Variants in BRWD3 observed in about 807,000 individuals in gnomAD.
BRWD3 encodes the protein bromodomain and WD repeat domain containing 3.
Under a neutral mutation model 149.7 loss-of-function variants are expected in BRWD3, and 10 were observed. The observed-to-expected ratio is 0.07, with a 90% CI of 0.04 to 0.11. The LOEUF (loss-of-function observed/expected upper bound fraction) is 0.11. Among genes scored for constraint, BRWD3 ranks in the 10% least tolerant of loss-of-function variants. The pLI, the probability that BRWD3 is intolerant of heterozygous loss-of-function variation, is 1.00. For missense variants in BRWD3, 940 were observed against 1,373.2 expected, an observed-to-expected ratio of 0.68 and a Z score of 4.99; for synonymous variants, 504 against 456.7, an observed-to-expected ratio of 1.10 and a Z score of -1.32.
chrX:80,793,548 T>C, intron 5 of BRWD3, 74 bp downstream of exon 5: 2 of 1,037,774 alleles, frequency 1.9e-6, no homozygotes, highest in South Asian at 4.1e-5. Context: ...CATGGGAACA[T>C]TTACTCAATC....
At chrX:80,808,769 G>T (rs1443918833) in intron 3 of BRWD3, among the ~76,000 whole-genome samples, 171 bp from the exon 4 acceptor site, 1 of 93,472 alleles carries the variant, frequency 1.1e-5, no homozygotes, top group East Asian at 3.8e-4. Context: ...ATGGGGGGGG[G>T]GGGGAAGGGG....
rs967838013 is a variant in BRWD3 at position 80,733,360 on chromosome X, G to T, written c.1127+96C>A. 2.9e-5 allele frequency: 20 copies of T among 682,047 alleles called. No homozygotes were observed. In the African/African-American group the frequency reaches 3.3e-4, roughly 11 times the overall value. 56.2% of individuals were successfully genotyped at this position (682,047 alleles called of 1,213,427 possible). On this transcript the variant is annotated intron_variant, in intron 12 of 40. Transcript: ENST00000373275. Reference sequence around the variant, plus strand: ...GGCTTTGAACCTAAATAACTGGACAGAAATAAGGTATCTATCATAGAAGTA... The same window carrying T: ...GGCTTTGAACCTAAATAACTGGACATAAATAAGGTATCTATCATAGAAGTA...
chrX:80,726,051 CTATA>C lies in BRWD3; in HGVS notation c.1387-988_1387-985del, dbSNP rs1031327524. 5.8e-5 allele frequency among the ~76,000 whole-genome samples: 4 copies of C among 69,248 alleles called. No homozygotes were observed. In the East Asian group the frequency reaches 1.5e-3, roughly 26 times the overall value. The allele number at this position is 69,248 out of a possible 115,157, so 60.1% of individuals were successfully genotyped here. A position where few individuals can be genotyped will look rare whatever the true frequency, so the allele number is the denominator to read the frequency against. On this transcript the variant is annotated intron_variant, in intron 14 of 40. Transcript: ENST00000373275. ...CATATAACATGTTTACATGTTATGT[CTATA>C]TAACACAACATGTTTACATGTTGTC...
In BRWD3 at chrX:80,692,918, A is replaced by G. The variant is rs770713512; in HGVS notation, c.3263+22T>C. On this transcript the variant is annotated intron_variant, in intron 28 of 40. Coordinates refer to ENST00000373275, the MANE Select transcript of BRWD3 (RefSeq NM_153252.5). The stretch of plus-strand genomic sequence containing the variant: ...ACTACTACAATGTCATATTAGGCAT[A>G]AAAGATCATAAACATACTTACTGAA... 9 of 1,135,627 alleles carry G rather than the reference A, an allele frequency of 7.9e-6. No individual in the cohort carries two copies. In the East Asian group the frequency reaches 2.4e-4, roughly 30 times the overall value. The allele number at this position is 1,135,627 out of a possible 1,213,427, so 93.6% of individuals were successfully genotyped here.
At chrX:80,720,691 A>G (rs910138948) in intron 17 of BRWD3, among the ~76,000 whole-genome samples, 2 of 112,041 alleles carry the variant, frequency 1.8e-5, no homozygotes, top group African/African-American at 6.5e-5. Flanking sequence ...TAAAGTGTAC[A>G]GTATTGTATA....
rs759663830 is a variant in BRWD3 at position 80,809,710 on chromosome X, A to T, written c.-239T>A. On this transcript the variant is annotated 5_prime_UTR_variant, in exon 1 of 41. Transcript: ENST00000373275. ...AGAGGAGAGGGAGAGGGAGAGAGAG[A>T]GTGAGTGAGTGAGAGAGAGAGAGAG... The T allele has an allele frequency of 4.3e-5, 14 of 326,652 alleles. No homozygotes were observed. Among genetic ancestry groups the T allele is most frequent in the African/African-American group, 4.0e-4 (13 of 32,476 alleles). 26.9% of individuals were successfully genotyped at this position (326,652 alleles called of 1,213,427 possible). A position where few individuals can be genotyped will look rare whatever the true frequency, so the allele number is the denominator to read the frequency against.
chrX:80,753,720 A>C (rs984583802), intron 6 of BRWD3, among the ~76,000 whole-genome samples: 4 of 111,933 alleles, frequency 3.6e-5, no homozygotes, highest in Non-Finnish European at 7.5e-5. Flanking sequence ...ATACGGGTCC[A>C]GTTTTATTCT....
intron 6 of BRWD3, among the ~76,000 whole-genome samples, chrX:80,769,281 G>A (rs866886971): frequency 9.0e-6 from 1 of 111,549 alleles, no homozygotes; most frequent in South Asian, 3.7e-4. Flanking sequence ...CAAATCAACA[G>A]AATATACATT....
Position 80,809,759 on chromosome X carries a change from AAG to A in BRWD3, c.-290_-289del, listed in dbSNP as rs1204009468. Reference sequence around the variant, plus strand: ...AGAAGAGAGAGAGAGAGAGAGGAAAAAGAGAGAGAGAGAGAGAGAGAGAGAGA... The same window carrying A: ...AGAAGAGAGAGAGAGAGAGAGGAAAAAGAGAGAGAGAGAGAGAGAGAGAGA... On this transcript the variant is annotated 5_prime_UTR_variant, in exon 1 of 41. Coordinates refer to ENST00000373275, the MANE Select transcript of BRWD3 (RefSeq NM_153252.5). The A allele has an allele frequency of 0.014, 270 of 19,220 alleles. 15 individuals are homozygous for A. The highest frequency in any genetic ancestry group is 0.053 in the Admixed American group (63 of 1,189). 1.6% of individuals were successfully genotyped at this position (19,220 alleles called of 1,213,427 possible).
chrX:80,684,195 T>C, intron 36 of BRWD3, 33 bp from the exon 37 acceptor site: 1 of 1,140,755 alleles, frequency 8.8e-7, no homozygotes, highest in Non-Finnish European at 1.2e-6. Flanking sequence ...AAATACTGTA[T>C]AGCAATATTA....
intron 6 of BRWD3, among the ~76,000 whole-genome samples, chrX:80,770,506 GA>G (rs1183601228): frequency 9.0e-6 from 1 of 111,382 alleles, no homozygotes. Context: ...AAAACCACAT[GA>G]TTATCTCAAT....
intron 26 of BRWD3, 38 bp from the exon 27 acceptor site, chrX:80,696,028 G>A (rs2072686328): frequency 9.4e-7 from 1 of 1,059,982 alleles, no homozygotes; most frequent in African/African-American, 1.8e-5. Context: ...TCAATATAGA[G>A]ATATAACAAT....
chrX:80,789,969 A>G (rs753050467), intron 6 of BRWD3, among the ~76,000 whole-genome samples: 1 of 107,699 alleles, frequency 9.3e-6, no homozygotes, highest in East Asian at 3.0e-4. Flanking sequence ...ACTTGAGGCC[A>G]GGAGTTCAAG....
rs2072883802 is a variant in BRWD3, at chrX:80,707,479, C to A, written c.2500G>T (p.Asp834Tyr). ...SEEDETVGTS[D>Y]ASVEDPVVEW... ...ACAACAGGATCCTCTACCGAAGCGT[C>A]ACTTGTGCCAACAGTTTCATCTTCC... The change falls in exon 22 of 41, where the codon GAC (aspartate) becomes TAC (tyrosine). Residue 834 changes from aspartate to tyrosine, a missense_variant. This residue lies in a region of BRWD3 where 158 missense variants were observed against 284.0 expected (regional missense o/e 0.56). Transcript: ENST00000373275. 1 of 1,210,126 alleles carries A rather than the reference C, an allele frequency of 8.3e-7. No homozygotes were observed. Among genetic ancestry groups the A allele is most frequent in the African/African-American group, 1.7e-5 (1 of 57,403 alleles).
At chrX:80,763,492 A>G (rs1195963888) in intron 6 of BRWD3, among the ~76,000 whole-genome samples, 2 of 112,051 alleles carry the variant, frequency 1.8e-5, no homozygotes, top group Admixed American at 9.5e-5. Context: ...AGGCCCTAAG[A>G]AGATGTTTAA....
At chrX:80,782,173 AAC>A (rs762142496) in intron 6 of BRWD3, among the ~76,000 whole-genome samples, 78 of 111,979 alleles carry the variant, frequency 7.0e-4, no homozygotes, top group African/African-American at 2.4e-3. Context: ...AGGCCAATGG[AAC>A]AGATTAGAGA....
intron 14 of BRWD3, among the ~76,000 whole-genome samples, chrX:80,726,154 AAC>A (rs1371692839): frequency 9.2e-6 from 1 of 108,650 alleles, no homozygotes; most frequent in African/African-American, 3.3e-5. Flanking sequence ...TATAACATAT[AAC>A]ACGTTTACAT....
intron 13 of BRWD3, among the ~76,000 whole-genome samples, chrX:80,729,696 A>T: frequency 9.0e-6 from 1 of 111,667 alleles, no homozygotes. Context: ...TCTTTGAGTC[A>T]CAAAAGACCA....
intron 14 of BRWD3, 98 bp downstream of exon 14, chrX:80,728,654 T>C (rs992376269): frequency 1.4e-5 from 10 of 723,525 alleles, no homozygotes; most frequent in Non-Finnish European, 1.8e-5. Flanking sequence ...AGGACTAGTA[T>C]AGTATATCAT....
Sources: allele counts gnomAD v4.1 joint callset (sites outside exome capture counted in the v4.1 genomes callset), GRCh38; gene constraint gnomAD v4.1.1; regional missense constraint gnomAD v4.1.1; transcripts MANE v1.5; gene names NCBI Gene and HGNC (gene_info 2026-07-23, HGNC 2026-07-21).